The following MROH1 variants were observed in gnomAD, a reference collection of about 807,000 sequenced individuals.
MROH1 encodes maestro heat-like repeat-containing protein family member 1.
Under a neutral mutation model 116.5 loss-of-function variants are expected in MROH1, and 117 were observed. The observed-to-expected ratio is 1.00, with a 90% CI of 0.86 to 1.17. The LOEUF (loss-of-function observed/expected upper bound fraction) is 1.17. MROH1 is among the 50% of genes most tolerant of loss of function. The pLI is 0.00. For synonymous variants in MROH1, 921 were observed against 583.9 expected (o/e 1.58, Z -8.32); for missense variants, 1,873 against 1,338.5 (o/e 1.40, Z -6.23).
rs1451218982 is a variant in MROH1, at chr8:144,167,412, GGGGTGGAGTGGCCGGTTGTT to G, written c.23-861_23-842del. On this transcript the variant is annotated intron_variant, in intron 3 of 43. Coordinates refer to ENST00000326134, the MANE Select transcript of MROH1 (RefSeq NM_032450.3). Reference sequence around the variant, plus strand: ...TTGTGGGGTGGAGTGGCCGGTTGTTGGGGTGGAGTGGCCGGTTGTTGGGTGGAGTGGCCGGTTGTTGTGGT... The same window carrying G: ...TTGTGGGGTGGAGTGGCCGGTTGTTGGGGTGGAGTGGCCGGTTGTTGTGGT... Among the ~76,000 whole-genome samples the G allele has an allele frequency of 1.4e-4, 19 of 134,428 alleles. 3 individuals carry two copies. Among genetic ancestry groups the G allele is most frequent in the African/African-American group, 6.2e-4 (19 of 30,428 alleles). The allele number at this position is 134,428 out of a possible 152,430, so 88.2% of individuals were successfully genotyped here.
intron 14 of MROH1, among the ~76,000 whole-genome samples, chr8:144,225,199 T>G: frequency 6.6e-6 from 1 of 152,154 alleles, no homozygotes; most frequent in East Asian, 1.9e-4. Flanking sequence ...CCAGCCACCA[T>G]GGGTGGCACT....
At position 144,238,817 on chromosome 8, in the gene MROH1, T is replaced by C; in HGVS notation, c.1400T>C (p.Val467Ala). Residue 467 changes from valine (V) to alanine (A), a missense_variant, in exon 15 of 44, where the codon GTG (valine) becomes GCG (alanine). Physicochemically the swap from Val to Ala is moderately conservative, Grantham distance 64. Coordinates refer to ENST00000326134, the MANE Select transcript of MROH1 (RefSeq NM_032450.3). The stretch of plus-strand genomic sequence containing the variant: ...GCCGACAGCGTGCGGGCCATCAGCG[T>C]GCGCACCCTCTACCTGGTCAGCACC... ...PKADSVRAIS[V>A]RTLYLVSTTV... 1.3e-6 allele frequency: 1 copy of C among 775,196 alleles called. No individual in the cohort carries two copies. Among genetic ancestry groups the C allele is most frequent in the Non-Finnish European group, 2.4e-6 (1 of 417,762 alleles). The allele number at this position is 775,196 out of a possible 1,614,324, so 48.0% of individuals were successfully genotyped here. A position where few individuals can be genotyped will look rare whatever the true frequency, so the allele number is the denominator to read the frequency against.
intron 32 of MROH1, 44 bp downstream of exon 32, chr8:144,249,073 G>T: frequency 1.4e-6 from 1 of 712,378 alleles, no homozygotes. Flanking sequence ...GAGAAGGTGG[G>T]AGAGGGCGCG....
intron 33 of MROH1, among the ~76,000 whole-genome samples, chr8:144,254,099 C>T (rs1432699563): frequency 3.9e-5 from 6 of 152,162 alleles, no homozygotes; most frequent in East Asian, 1.9e-4. Context: ...TTCCATCTTC[C>T]GCGTCCCTTA....
At chr8:144,258,697 G>A (rs1844395376) in intron 35 of MROH1, 80 bp from the exon 36 acceptor site, 4 of 704,788 alleles carry the variant, frequency 5.7e-6, no homozygotes, top group Non-Finnish European at 1.0e-5. Context: ...AACACGCATT[G>A]GGTGCAGACC....
chr8:144,158,888 G>C (rs192690213), intron 1 of MROH1, among the ~76,000 whole-genome samples: 1 of 152,112 alleles, frequency 6.6e-6, no homozygotes, highest in Non-Finnish European at 1.5e-5. Context: ...ACAGGCGCAC[G>C]CCACCACGCC....
intron 14 of MROH1, among the ~76,000 whole-genome samples, chr8:144,234,048 C>T (rs1457974195): frequency 1.3e-5 from 2 of 152,152 alleles, no homozygotes; most frequent in East Asian, 1.9e-4. Context: ...CTTGCTCTGT[C>T]GCCCAGGCTG....
chr8:144,248,200 G>A (rs1252629647), intron 31 of MROH1, among the ~76,000 whole-genome samples: 1 of 152,142 alleles, frequency 6.6e-6, no homozygotes. Flanking sequence ...AAGGGAGGAT[G>A]ACCCTGGGCA....
chr8:144,162,334 G>A (rs1262377040), intron 2 of MROH1, among the ~76,000 whole-genome samples: 10 of 151,534 alleles, frequency 6.6e-5, no homozygotes, highest in African/African-American at 2.2e-4. Flanking sequence ...TGATCCGCCC[G>A]CCTCAGCATC....
chr8:144,165,595 G>T (rs1182702546), intron 3 of MROH1, among the ~76,000 whole-genome samples: 1 of 151,888 alleles, frequency 6.6e-6, no homozygotes, highest in Admixed American at 6.6e-5. Flanking sequence ...GTGTTTTTGA[G>T]ACTGGGTCTT....
At chr8:144,192,424 C>T (rs368800563) in intron 10 of MROH1, 23 bp downstream of exon 10, 56 of 1,554,584 alleles carry the variant, frequency 3.6e-5, no homozygotes, top group Non-Finnish European at 4.5e-5. Context: ...CGTCAGGGGG[C>T]GGGTCCAGGT....
chr8:144,169,711 C>T (rs1403207795), intron 4 of MROH1, among the ~76,000 whole-genome samples: 4 of 150,046 alleles, frequency 2.7e-5, no homozygotes, highest in South Asian at 2.1e-4. Context: ...GGCGTGATCT[C>T]GGCTCACTGC....
At chr8:144,196,981 CT>C (rs60810422) in intron 10 of MROH1, among the ~76,000 whole-genome samples, 152,113 of 152,114 alleles carry the variant, frequency 1, 76,056 homozygotes, top group Non-Finnish European at 1. Flanking sequence ...GTAATCCCAG[CT>C]TACTCAGGAG....
chr8:144,197,726 C>T (rs1324860062), intron 10 of MROH1, among the ~76,000 whole-genome samples: 2 of 147,688 alleles, frequency 1.4e-5, no homozygotes, highest in Admixed American at 6.7e-5. Flanking sequence ...TGAGCCACTG[C>T]ACCCAGCCAA....
At chr8:144,249,428 T>C (rs1441804945) in intron 32 of MROH1, among the ~76,000 whole-genome samples, 1 of 152,148 alleles carries the variant, frequency 6.6e-6, no homozygotes, top group African/African-American at 2.4e-5. Context: ...TGCTTTGTTT[T>C]CACCCAACAT....
chr8:144,202,741 C>T (rs1445181118), intron 12 of MROH1, among the ~76,000 whole-genome samples: 1 of 122,978 alleles, frequency 8.1e-6, no homozygotes, highest in Non-Finnish European at 1.7e-5. Context: ...GGAGCGCCCG[C>T]CATCTGCGGA....
intron 4 of MROH1, chr8:144,174,773 G>A: frequency 1.0e-6 from 1 of 957,274 alleles, no homozygotes; most frequent in South Asian, 4.8e-5. Flanking sequence ...GTGAGCCACT[G>A]TGGCTGGCCC....
intron 12 of MROH1, among the ~76,000 whole-genome samples, chr8:144,218,718 C>CCCCT (rs1835913268): frequency 2.2e-5 from 1 of 46,234 alleles, no homozygotes; most frequent in African/African-American, 8.9e-5. Context: ...TCCTGTCCCC[C>CCCCT]CTCCCCTCCC....
intron 14 of MROH1, among the ~76,000 whole-genome samples, chr8:144,228,867 C>T (rs1838296268): frequency 6.6e-6 from 1 of 152,186 alleles, no homozygotes; most frequent in Non-Finnish European, 1.5e-5. Flanking sequence ...TAGCATTTTA[C>T]CCACAGTAGA....
Sources: gnomAD v4.1 joint callset for allele counts (sites outside exome capture counted in the v4.1 genomes callset) on GRCh38, gnomAD v4.1.1 for gene constraint, MANE v1.5 for transcripts, NCBI Gene and HGNC (gene_info 2026-07-23, HGNC 2026-07-21) for gene names.